The following HMCN1 variants were observed in gnomAD, a reference collection of about 807,000 sequenced individuals.
HMCN1 encodes the protein hemicentin-1.
Under a neutral mutation model 625.9 loss-of-function variants are expected in HMCN1, and 321 were observed. The ratio of observed to expected loss-of-function variants is 0.51; its 90% CI spans 0.47 to 0.56. HMCN1 has a LOEUF of 0.56. Ranked by LOEUF, HMCN1 falls within the 20% of genes least tolerant of loss-of-function variation. The probability of loss-of-function intolerance (pLI) is 0.00; values close to 1 mark genes in which losing one functional copy is unlikely to be tolerated. For missense variants in HMCN1, 6,588 were observed against 6,887.3 expected (o/e 0.96, Z 1.54); for synonymous variants, 2,425 against 2,417.6 (o/e 1.00, Z -0.09).
chr1:185,810,869 TA>T (rs1436480174), intron 1 of HMCN1, among the ~76,000 whole-genome samples: 3 of 152,074 alleles, frequency 2.0e-5, no homozygotes, highest in Admixed American at 6.6e-5. Flanking sequence ...GATGGTTTTA[TA>T]AAAAAAATTC....
intron 11 of HMCN1, among the ~76,000 whole-genome samples, chr1:185,937,645 G>A (rs1197330659): frequency 6.6e-6 from 1 of 152,048 alleles, no homozygotes; most frequent in South Asian, 2.1e-4. Context: ...ACTTTGGGAG[G>A]CCGAGATGGG....
Position 185,837,004 on chromosome 1 carries a change from T to C in HMCN1, c.269-9022T>C, listed in dbSNP as rs1379247384. Reference sequence around the variant, plus strand: ...ATGGTATTCTATGGTGTATATTCCATGGTGTGTGTGTGTGTGTGTGTGTGT... The same window carrying C: ...ATGGTATTCTATGGTGTATATTCCACGGTGTGTGTGTGTGTGTGTGTGTGT... On this transcript the variant is annotated intron_variant, in intron 1 of 106. Transcript: ENST00000271588. Among the ~76,000 whole-genome samples the C allele has an allele frequency of 2.3e-5, 3 of 128,268 alleles. No individual in the cohort carries two copies. In the East Asian group the frequency reaches 6.0e-4, roughly 25 times the overall value. 84.1% of individuals were successfully genotyped at this position (128,268 alleles called of 152,430 possible).
intron 52 of HMCN1, 46 bp from the exon 53 acceptor site, chr1:186,074,695 A>T (rs773463941): frequency 6.3e-7 from 1 of 1,577,770 alleles, no homozygotes; most frequent in Admixed American, 1.7e-5. Context: ...CTCTTAGAGG[A>T]TTCATTATAG....
chr1:185,862,169 G>C (rs1558022649), intron 2 of HMCN1, among the ~76,000 whole-genome samples: 1 of 151,454 alleles, frequency 6.6e-6, no homozygotes, highest in Non-Finnish European at 1.5e-5. Context: ...TGTGGAGAAG[G>C]AGCAACAGGA....
intron 11 of HMCN1, among the ~76,000 whole-genome samples, chr1:185,947,660 A>G (rs1225413942): frequency 6.6e-6 from 1 of 152,034 alleles, no homozygotes; most frequent in African/African-American, 2.4e-5. Context: ...GGCAACTGAT[A>G]TTTTGTTGTT....
chr1:185,981,386 T>C (rs1208265523), intron 17 of HMCN1, among the ~76,000 whole-genome samples: 1 of 152,080 alleles, frequency 6.6e-6, no homozygotes, highest in Non-Finnish European at 1.5e-5. Context: ...CTTTTTTACA[T>C]TTGTTATTTT....
At chr1:186,141,308 G>T (rs1028328281) in intron 89 of HMCN1, among the ~76,000 whole-genome samples, 1 of 151,820 alleles carries the variant, frequency 6.6e-6, no homozygotes, top group Admixed American at 6.6e-5. Flanking sequence ...ATCATACACT[G>T]TCATTATTTA....
intron 97 of HMCN1, among the ~76,000 whole-genome samples, chr1:186,161,303 C>T (rs1651458833): frequency 6.6e-6 from 1 of 151,864 alleles, no homozygotes; most frequent in African/African-American, 2.4e-5. Context: ...TTATTTTGAG[C>T]CTATGTGTGT....
At chr1:185,954,863 T>C (rs774259195) in intron 11 of HMCN1, among the ~76,000 whole-genome samples, 2 of 152,338 alleles carry the variant, frequency 1.3e-5, no homozygotes, top group Non-Finnish European at 2.9e-5. Flanking sequence ...TTTATGGACA[T>C]GTATGTCCAT....
intron 89 of HMCN1, among the ~76,000 whole-genome samples, chr1:186,142,051 A>T (rs1650003423): frequency 6.6e-6 from 1 of 152,186 alleles, no homozygotes; most frequent in Non-Finnish European, 1.5e-5. Context: ...CAGGTTTGGT[A>T]TATAGGTAAA....
intron 89 of HMCN1, among the ~76,000 whole-genome samples, chr1:186,141,202 G>A (rs552739497): frequency 6.6e-6 from 1 of 152,234 alleles, no homozygotes; most frequent in East Asian, 1.9e-4. Flanking sequence ...CGGAGTTCGT[G>A]GTAATGTTAG....
chr1:186,139,603 T>A (rs922438799), intron 89 of HMCN1, among the ~76,000 whole-genome samples: 2 of 150,490 alleles, frequency 1.3e-5, no homozygotes, highest in Non-Finnish European at 2.9e-5. Flanking sequence ...GCTTGTTTTT[T>A]TTTTTTTTAA....
chr1:186,175,127 G>A (rs2102645883), intron 103 of HMCN1, among the ~76,000 whole-genome samples: 1 of 152,198 alleles, frequency 6.6e-6, no homozygotes, highest in African/African-American at 2.4e-5. Context: ...TGTTCCCTTT[G>A]CTAAAAATAT....
chr1:186,046,125 T>A (rs1656553316), intron 41 of HMCN1, among the ~76,000 whole-genome samples: 1 of 152,100 alleles, frequency 6.6e-6, no homozygotes, highest in Non-Finnish European at 1.5e-5. Context: ...AAGGTGTGCC[T>A]CACCTTCAGT....
Position 185,982,365 on chromosome 1 carries a change from T to A in HMCN1, c.2766T>A (p.Arg922=). ...TAGCTGGAAATCCCATTCCAGAACGTCGGTGGATTAAGAATTCAGCTATGG... is the reference window on the plus strand; with the variant it reads ...TAGCTGGAAATCCCATTCCAGAACGACGGTGGATTAAGAATTCAGCTATGG... ...TLLAGNPIPE[R]RWIKNSAMLL... is the part of the protein sequence containing the mutation. The change falls in exon 18 of 107, where the codon CGT becomes CGA. Residue 922 remains arginine (R), a synonymous_variant. Coordinates refer to ENST00000271588, the MANE Select transcript of HMCN1 (RefSeq NM_031935.3). 6.2e-7 allele frequency: 1 copy of A among 1,613,710 alleles called. No homozygotes were observed. The highest frequency in any genetic ancestry group is 8.5e-7 in the Non-Finnish European group (1 of 1,179,696).
Position 185,735,022 on chromosome 1 carries a change from T to C in HMCN1, c.243T>C (p.Phe81=), listed in dbSNP as rs1200524770. The C allele has an allele frequency of 1.1e-5, 17 of 1,614,214 alleles. No homozygotes were observed. The highest frequency in any genetic ancestry group is 1.4e-5 in the Non-Finnish European group (17 of 1,180,032). The change falls in exon 1 of 107, where the codon TTT becomes TTC. Residue 81 remains phenylalanine, a synonymous_variant. Transcript: ENST00000271588. ...GACCTAAAAGACCTCTTTTCAACTTTGCGTTGGTGCCTTTCCATGATCCAG... is the reference window on the plus strand; with the variant it reads ...GACCTAAAAGACCTCTTTTCAACTTCGCGTTGGTGCCTTTCCATGATCCAG... The part of the protein sequence containing the change: ...LKRPKRPLFN[F]ALVPFHDPEI...
Position 186,114,041 on chromosome 1 carries a change from T to C in HMCN1, c.11194T>C (p.Leu3732=). The change falls in exon 73 of 107, where the codon TTG becomes CTG. Residue 3732 remains leucine, a synonymous_variant. Coordinates refer to ENST00000271588, the MANE Select transcript of HMCN1 (RefSeq NM_031935.3). ...AATTCTTTTAAATAAGTCAACTGTA[T>C]TGGAATGCATCGCTGAAGGTGTGCC... is the stretch of plus-strand genomic sequence containing the variant. The part of the protein sequence containing the change: ...LVILLNKSTV[L]ECIAEGVPTP... 6.2e-7 allele frequency: 1 copy of C among 1,614,132 alleles called. No homozygotes were observed. Among genetic ancestry groups the C allele is most frequent in the East Asian group, 2.2e-5 (1 of 44,868 alleles).
At chr1:185,812,211 T>TA (rs1424922542) in intron 1 of HMCN1, among the ~76,000 whole-genome samples, 1 of 152,154 alleles carries the variant, frequency 6.6e-6, no homozygotes, top group African/African-American at 2.4e-5. Context: ...GTGGCCTGTC[T>TA]AGGTTATTTG....
intron 83 of HMCN1, among the ~76,000 whole-genome samples, chr1:186,128,704 C>T (rs942303158): frequency 6.6e-6 from 1 of 152,038 alleles, no homozygotes; most frequent in Non-Finnish European, 1.5e-5. Flanking sequence ...CTGTTTGCCT[C>T]AACCTCTATT....
Sources: gnomAD v4.1 joint callset for allele counts (sites outside exome capture counted in the v4.1 genomes callset) on GRCh38, gnomAD v4.1.1 for gene constraint, MANE v1.5 for transcripts, NCBI Gene and HGNC (gene_info 2026-07-23, HGNC 2026-07-21) for gene names.